Variants in PRDM2 observed in about 807,000 individuals in gnomAD.
PRDM2 encodes the protein PR domain zinc finger protein 2.
Under a neutral mutation model 130.0 loss-of-function variants are expected in PRDM2, and 30 were observed. The ratio of observed to expected loss-of-function variants is 0.23; its 90% CI spans 0.17 to 0.31. The LOEUF is 0.31. Ranked by LOEUF, PRDM2 falls within the 10% of genes least tolerant of loss-of-function variation. The pLI, the probability that PRDM2 is intolerant of heterozygous loss-of-function variation, is 1.00. For synonymous variants in PRDM2, 871 were observed against 782.4 expected, an observed-to-expected ratio of 1.11 and a Z score of -1.89; for missense variants, 2,011 against 2,108.4, an observed-to-expected ratio of 0.95 and a Z score of 0.90.
chr1:13,824,581 G>T lies in PRDM2; in HGVS notation c.*1446G>T, dbSNP rs962595521. ...ATGGTGGTCATTGGCCGACATCACAGTTTTCCTGTTTCCCACCCAGCTAAA... is the reference window on the plus strand; with the variant it reads ...ATGGTGGTCATTGGCCGACATCACATTTTTCCTGTTTCCCACCCAGCTAAA... On this transcript the variant is annotated 3_prime_UTR_variant, in exon 10 of 10. Coordinates refer to ENST00000311066, the MANE Select transcript of PRDM2 (RefSeq NM_001393986.1). The T allele has an allele frequency of 2.6e-5, 4 of 152,156 alleles. No individual in the cohort carries two copies. Among genetic ancestry groups the T allele is most frequent in the African/African-American group, 9.7e-5 (4 of 41,424 alleles). The allele number at this position is 152,156 out of a possible 1,614,324, so 9.4% of individuals were successfully genotyped here. A position where few individuals can be genotyped will look rare whatever the true frequency, so the allele number is the denominator to read the frequency against.
At chr1:13,807,197 T>C (rs1253338613) in intron 8 of PRDM2, among the ~76,000 whole-genome samples, 1 of 152,234 alleles carries the variant, frequency 6.6e-6, no homozygotes, top group East Asian at 1.9e-4. Flanking sequence ...CTTTCCTCTC[T>C]AGGCTACACT....
chr1:13,786,215 G>T (rs755019237), intron 8 of PRDM2, among the ~76,000 whole-genome samples: 13 of 152,036 alleles, frequency 8.6e-5, no homozygotes, highest in Non-Finnish European at 1.5e-4. Context: ...CAAGAAAAAG[G>T]TAGAGAAGCA....
intron 8 of PRDM2, among the ~76,000 whole-genome samples, chr1:13,805,307 G>A (rs761112219): frequency 2.0e-5 from 3 of 152,210 alleles, no homozygotes; most frequent in Non-Finnish European, 4.4e-5. Context: ...GTCCGTAATG[G>A]AGCTAGGATT....
chr1:13,786,588 G>A (rs1164756376), intron 8 of PRDM2: 8 of 1,600,700 alleles, frequency 5.0e-6, no homozygotes, highest in Admixed American at 1.7e-5. Context: ...CTCAACTTAG[G>A]ATAAGCACTA....
chr1:13,788,789 T>A (rs1644792256), intron 8 of PRDM2, among the ~76,000 whole-genome samples: 1 of 152,202 alleles, frequency 6.6e-6, no homozygotes, highest in Non-Finnish European at 1.5e-5. Flanking sequence ...AGAACTGGAT[T>A]TCCATCCTAA....
chr1:13,801,859 C>T (rs1645011200), intron 8 of PRDM2, among the ~76,000 whole-genome samples: 1 of 152,186 alleles, frequency 6.6e-6, no homozygotes, highest in Admixed American at 6.5e-5. Context: ...CTGTGGTCTC[C>T]CCAAATAGTG....
chr1:13,731,733 A>G (rs1276041820), intron 3 of PRDM2, among the ~76,000 whole-genome samples: 3 of 152,194 alleles, frequency 2.0e-5, no homozygotes, highest in Non-Finnish European at 4.4e-5. Context: ...GTAAATTGTA[A>G]AACTTTAGTC....
At chr1:13,793,422 C>T (rs531729686) in intron 8 of PRDM2, among the ~76,000 whole-genome samples, 1 of 152,292 alleles carries the variant, frequency 6.6e-6, no homozygotes, top group South Asian at 2.1e-4. Context: ...AGTAGCCGGC[C>T]CCGGGTGGAA....
chr1:13,731,724 T>C (rs1236810131), intron 3 of PRDM2, among the ~76,000 whole-genome samples: 1 of 152,218 alleles, frequency 6.6e-6, no homozygotes, highest in Non-Finnish European at 1.5e-5. Flanking sequence ...GCTAAGGAAG[T>C]AAATTGTAAA....
chr1:13,700,472 G>C (rs1642036080), intron 1 of PRDM2, among the ~76,000 whole-genome samples, 172 bp downstream of exon 1: 1 of 150,324 alleles, frequency 6.7e-6, no homozygotes, highest in African/African-American at 2.4e-5. Flanking sequence ...CGGGGGCCCC[G>C]GGACGAGGCG....
At chr1:13,732,935 C>T in intron 4 of PRDM2, 53 bp downstream of exon 4, 1 of 1,203,382 alleles carries the variant, frequency 8.3e-7, no homozygotes, top group Non-Finnish European at 1.2e-6. Context: ...AATAATTATT[C>T]TGTTCTCTCA....
intron 6 of PRDM2, among the ~76,000 whole-genome samples, chr1:13,758,109 T>G (rs1336873984): frequency 3.3e-5 from 5 of 152,126 alleles, no homozygotes; most frequent in African/African-American, 9.7e-5. Flanking sequence ...CTTTTTCTAC[T>G]TGGAACTTTT....
chr1:13,710,620 A>G (rs1219766273), intron 1 of PRDM2, among the ~76,000 whole-genome samples: 1 of 152,208 alleles, frequency 6.6e-6, no homozygotes, highest in African/African-American at 2.4e-5. Context: ...TAGAAGGGAT[A>G]TGTTAGACTT....
At chr1:13,757,997 G>A (rs942870831) in intron 6 of PRDM2, among the ~76,000 whole-genome samples, 42 of 151,982 alleles carry the variant, frequency 2.8e-4, no homozygotes, top group Admixed American at 1.2e-3. Flanking sequence ...AGGGGCACGC[G>A]TTGATTTCCT....
Position 13,749,496 on chromosome 1 carries a change from C to T in PRDM2, c.511+9C>T, listed in dbSNP as rs755227424. Reference sequence around the variant, plus strand: ...CCCCAAGAGCCGGAAAGGTAGGAGCCCCCCGGCCCGCCCGCCCGGCCCCGG... The same window carrying T: ...CCCCAAGAGCCGGAAAGGTAGGAGCTCCCCGGCCCGCCCGCCCGGCCCCGG... On this transcript the variant is annotated intron_variant, in intron 6 of 9. Transcript: ENST00000311066. 5 of 1,372,666 alleles carry T rather than the reference C, an allele frequency of 3.6e-6. No individual in the cohort carries two copies. The highest frequency in any genetic ancestry group is 4.0e-5 in the East Asian group (1 of 24,948). The allele number at this position is 1,372,666 out of a possible 1,614,324, so 85.0% of individuals were successfully genotyped here. A position where few individuals can be genotyped will look rare whatever the true frequency, so the allele number is the denominator to read the frequency against.
Position 13,782,080 on chromosome 1 carries a change from G to A in PRDM2, c.4285G>A (p.Val1429Ile). ...TGCATTGAAGAAAAAAAATCAGCTA[G>A]TACAGAAAGCAATTCTTCAGAAAAA... Reference protein sequence around the residue: ...LNALKKKNQLVQKAILQKNKS... With the variant: ...LNALKKKNQLIQKAILQKNKS... Residue 1429 changes from valine (V) to isoleucine (I), a missense_variant, in exon 8 of 10, where the codon GTA becomes ATA. Val to Ile is a conservative substitution (Grantham distance 29). This residue lies in a region of PRDM2 where 410 missense variants were observed against 395.9 expected (regional missense o/e 1.04). Transcript: ENST00000311066. The A allele has an allele frequency of 6.2e-7, 1 of 1,614,058 alleles. No individual in the cohort carries two copies. Among genetic ancestry groups the A allele is most frequent in the Non-Finnish European group, 8.5e-7 (1 of 1,180,002 alleles).
Position 13,780,943 on chromosome 1 carries a change from A to G in PRDM2, c.3148A>G (p.Thr1050Ala). The change falls in exon 8 of 10, where the codon ACA becomes GCA. Residue 1050 changes from threonine (T) to alanine (A), a missense_variant. Physicochemically the swap from Thr to Ala is moderately conservative, Grantham distance 58. This residue lies in a region of PRDM2 where 1,288 missense variants were observed against 1,237.7 expected (regional missense o/e 1.04). Coordinates refer to ENST00000311066, the MANE Select transcript of PRDM2 (RefSeq NM_001393986.1). ...LMSAASPGPP[T>A]LSSSSSSSSS... ...GTCTGCCGCCTCACCCGGGCCTCCA[A>G]CACTTTCTTCTTCCTCCTCTTCATC... 4 of 1,609,762 alleles carry G rather than the reference A, an allele frequency of 2.5e-6. No homozygotes were observed. Among genetic ancestry groups the G allele is most frequent in the Non-Finnish European group, 3.4e-6 (4 of 1,176,970 alleles).
chr1:13,788,496 A>G (rs553443283), intron 8 of PRDM2, among the ~76,000 whole-genome samples: 1 of 152,362 alleles, frequency 6.6e-6, no homozygotes, highest in African/African-American at 2.4e-5. Flanking sequence ...TAAGATTAAA[A>G]ATGGCTGACT....
chr1:13,763,186 C>A (rs1644143209), intron 6 of PRDM2, among the ~76,000 whole-genome samples: 1 of 152,148 alleles, frequency 6.6e-6, no homozygotes, highest in Admixed American at 6.6e-5. Flanking sequence ...TTAATACTGG[C>A]AGGCATTCAA....
Sources: allele counts gnomAD v4.1 joint callset (sites outside exome capture counted in the v4.1 genomes callset), GRCh38; gene constraint gnomAD v4.1.1; regional missense constraint gnomAD v4.1.1; transcripts MANE v1.5; gene names NCBI Gene and HGNC (gene_info 2026-07-23, HGNC 2026-07-21).